The following LZTR1 variants were observed in gnomAD, a reference collection of about 807,000 sequenced individuals.
LZTR1 encodes the protein leucine zipper like post translational regulator 1.
In LZTR1, 260 loss-of-function variants were observed where a neutral mutation model predicts 105.7. That is an observed-to-expected ratio of 2.46 (90% CI 2.22 to 2.72). The LOEUF (loss-of-function observed/expected upper bound fraction) is 2.72. Ranked by LOEUF, LZTR1 falls within the 30% of genes most tolerant of loss-of-function variation. LZTR1 has a pLI of 0.00. For missense variants in LZTR1, 1,214 were observed against 1,166.9 expected (o/e 1.04, Z -0.59); for synonymous variants, 490 against 476.4 (o/e 1.03, Z -0.37).
chr22:20,995,541 T>G (rs988779567), intron 16 of LZTR1: 1 of 731,096 alleles, frequency 1.4e-6, no homozygotes, highest in South Asian at 1.5e-5. Context: ...TGGTGGGCTG[T>G]GCGTGGGGCA....
At chr22:20,994,488 G>A (rs1230120987) in intron 14 of LZTR1, 70 bp from the exon 15 acceptor site, 1 of 1,520,768 alleles carries the variant, frequency 6.6e-7, no homozygotes, top group Non-Finnish European at 9.0e-7. Flanking sequence ...CTTCCATGGG[G>A]GGAGCCCTGC....
At position 20,994,275 on chromosome 22, in the gene LZTR1, C is replaced by T. The variant is rs1358325276; in HGVS notation, c.1615+6C>T. On this transcript the variant is annotated splice_donor_region_variant and intron_variant, in intron 14 of 20. Transcript: ENST00000646124. The stretch of plus-strand genomic sequence containing the variant: ...GATCAAATACCCACGGAAAGGTCCG[C>T]CTGGGTGGGGGTGGAGCAGGGTTGG... 3 of 1,597,052 alleles carry T rather than the reference C, an allele frequency of 1.9e-6. No homozygotes were observed. The highest frequency in any genetic ancestry group is 2.7e-5 in the African/African-American group (2 of 74,910).
chr22:20,996,315 AGGAACCAGT>A, intron 18 of LZTR1: 1 of 624,750 alleles, frequency 1.6e-6, no homozygotes, highest in Non-Finnish European at 2.8e-6. Flanking sequence ...TGCAGCCAGG[AGGAACCAGT>A]GGGTTCCTGA....
intron 8 of LZTR1, 31 bp from the exon 9 acceptor site, chr22:20,991,597 C>G: frequency 6.6e-7 from 1 of 1,510,050 alleles, no homozygotes; most frequent in Non-Finnish European, 8.9e-7. Flanking sequence ...AGCCCCTGTC[C>G]CAGCATTGAT....
Position 20,996,023 on chromosome 22 carries a change from C to G in LZTR1, c.2130C>G (p.Ile710Met). 1.2e-6 allele frequency: 2 copies of G among 1,613,522 alleles called. No individual in the cohort carries two copies. The highest frequency in any genetic ancestry group is 1.7e-6 in the Non-Finnish European group (2 of 1,179,888). ...AAGATGGGCAGGTGAACATCTCCAT[C>G]GGGGAGATGGTGCCCAGCAGGCAGG... ...MPEDGQVNISIGEMVPSRQAF... is the reference protein window; with the variant it reads ...MPEDGQVNISMGEMVPSRQAF... Residue 710 changes from isoleucine (I) to methionine (M), a missense_variant, in exon 18 of 21, where the codon ATC becomes ATG. Transcript: ENST00000646124.
intron 12 of LZTR1, 29 bp from the exon 13 acceptor site, chr22:20,993,895 C>T (rs1028668921): frequency 6.2e-7 from 1 of 1,603,026 alleles, no homozygotes. Flanking sequence ...GGTCCTGTGC[C>T]CTCTGCCAGT....
intron 8 of LZTR1, 91 bp downstream of exon 8, chr22:20,990,616 A>AAG (rs1924574957): frequency 7.4e-7 from 1 of 1,359,646 alleles, no homozygotes; most frequent in Non-Finnish European, 1.0e-6. Context: ...CCTGGTGGCC[A>AAG]TGGTAACCAT....
intron 8 of LZTR1, chr22:20,990,959 G>A: frequency 5.8e-6 from 1 of 171,056 alleles, no homozygotes; most frequent in South Asian, 1.3e-4. Flanking sequence ...CACAAGGAGT[G>A]TGAGCTGCAG....
rs773139428 is a variant in LZTR1, at chr22:20,996,115, A to C, written c.2219+3A>C. 6.2e-7 allele frequency: 1 copy of C among 1,611,424 alleles called. No individual in the cohort carries two copies. The highest frequency in any genetic ancestry group is 1.3e-5 in the African/African-American group (1 of 74,880). On this transcript the variant is annotated splice_donor_region_variant and intron_variant, in intron 18 of 20. Transcript: ENST00000646124. ...AACATGCCGCCCGAGGACTCGCTGC[A>C]TCCTCACTCCCCAGTGAACTCCCAG...
intron 3 of LZTR1, 93 bp downstream of exon 3, chr22:20,985,990 A>T: frequency 7.5e-7 from 1 of 1,333,348 alleles, no homozygotes; most frequent in South Asian, 1.2e-5. Context: ...CTCTCTCATC[A>T]TGGGAAGCTA....
chr22:20,994,143 C>G lies in LZTR1; in HGVS notation c.1489C>G (p.Pro497Ala). ...GGCCGCCCCAGTTCCCAGGGAGGCC[C>G]CCGGCGTGGCTGCTGGTGGGGCCCG... ...QEAAPVPREA[P>A]GVAAGGARPP... The change falls in exon 14 of 21, where the codon CCC becomes GCC. Residue 497 changes from proline (P) to alanine (A), a missense_variant. Transcript: ENST00000646124. The G allele has an allele frequency of 1.9e-6, 3 of 1,593,060 alleles. No homozygotes were observed. The highest frequency in any genetic ancestry group is 2.6e-6 in the Non-Finnish European group (3 of 1,169,550).
intron 2 of LZTR1, among the ~76,000 whole-genome samples, chr22:20,985,057 C>CTTT (rs1483916339): frequency 9.6e-6 from 1 of 104,240 alleles, no homozygotes; most frequent in Non-Finnish European, 1.9e-5. Context: ...GACTTCGTTT[C>CTTT]TATTTTTTTT....
chr22:20,997,067 G>GC (rs757768712), intron 20 of LZTR1, 101 bp downstream of exon 20: 2 of 1,303,346 alleles, frequency 1.5e-6, no homozygotes, highest in Non-Finnish European at 2.2e-6. Flanking sequence ...GCAGTGGTGG[G>GC]CCCTGGGGGT....
intron 4 of LZTR1, 38 bp from the exon 5 acceptor site, chr22:20,987,972 C>T (rs750069974): frequency 8.1e-7 from 1 of 1,232,612 alleles, no homozygotes; most frequent in Non-Finnish European, 1.2e-6. Flanking sequence ...TCCAAGACTG[C>T]CCTTTGGGTT....
chr22:20,994,857 C>T lies in LZTR1; in HGVS notation c.1786-13C>T. The T allele has an allele frequency of 6.2e-7, 1 of 1,612,806 alleles. No homozygotes were observed. The highest frequency in any genetic ancestry group is 8.5e-7 in the Non-Finnish European group (1 of 1,179,740). On this transcript the variant is annotated splice_polypyrimidine_tract_variant and intron_variant, in intron 15 of 20. Transcript: ENST00000646124. ...CTTGACTCTGCCTGCCTGCCTGTGC[C>T]TGTCTGCCCCAGGAGCACTGCCTGA...
intron 2 of LZTR1, among the ~76,000 whole-genome samples, chr22:20,984,162 C>A (rs998935797): frequency 2.6e-5 from 4 of 152,188 alleles, no homozygotes; most frequent in Admixed American, 6.5e-5. Flanking sequence ...CCATTGCTTC[C>A]CCTCCATACC....
Position 20,988,887 on chromosome 22 carries a change from G to C in LZTR1, c.593+15G>C. On this transcript the variant is annotated intron_variant, in intron 6 of 20. Transcript: ENST00000646124. ...GGCAACGCCAGGTGGGTGGTGGTCC[G>C]GCCTGTGCACCCCACCTCCGACAGC... is the stretch of plus-strand genomic sequence containing the variant. The C allele has an allele frequency of 6.2e-7, 1 of 1,611,160 alleles. No homozygotes were observed. The highest frequency in any genetic ancestry group is 8.5e-7 in the Non-Finnish European group (1 of 1,177,830).
chr22:20,993,236 A>T, intron 11 of LZTR1: 1 of 412,872 alleles, frequency 2.4e-6, no homozygotes, highest in Non-Finnish European at 4.4e-6. Flanking sequence ...TTGCGTTGAC[A>T]GCCCCTTCCC....
At chr22:20,990,091 T>C (rs1371156277) in intron 7 of LZTR1, among the ~76,000 whole-genome samples, 1 of 152,160 alleles carries the variant, frequency 6.6e-6, no homozygotes, top group Non-Finnish European at 1.5e-5. Flanking sequence ...TTTAGAAACA[T>C]GGAATTTATT....
Sources: gnomAD v4.1 joint callset for allele counts (sites outside exome capture counted in the v4.1 genomes callset) on GRCh38, gnomAD v4.1.1 for gene constraint, MANE v1.5 for transcripts, NCBI Gene and HGNC (gene_info 2026-07-23, HGNC 2026-07-21) for gene names.